The following DNAH7 variants were observed in gnomAD, a reference collection of about 807,000 sequenced individuals.
DNAH7 encodes axonemal beta dynein heavy chain 7.
In DNAH7, 397 loss-of-function variants were observed where a neutral mutation model predicts 444.6. The ratio of observed to expected loss-of-function variants is 0.89; its 90% confidence interval spans 0.82 to 0.97. The LOEUF (loss-of-function observed/expected upper bound fraction) is 0.97, where lower values mean the gene tolerates loss of function less well. Among genes scored for constraint, DNAH7 ranks in the 50% least tolerant of loss-of-function variants. The pLI, the probability that DNAH7 is intolerant of heterozygous loss-of-function variation, is 0.00. For synonymous variants in DNAH7, 1,636 were observed against 1,624.4 expected (o/e 1.01, Z -0.17); for missense variants, 4,902 against 4,800.8 (o/e 1.02, Z -0.62).
In DNAH7 at chr2:195,752,140, C is replaced by T. The variant is rs1163921428; in HGVS notation, c.11764+2197G>A. ...TGAAAAAATTAGCTGGGCAAGGTGG[C>T]GCACGCCTCTGGTCTCAGCTACTCA... On this transcript the variant is annotated intron_variant, in intron 63 of 64. Coordinates refer to ENST00000312428, the MANE Select transcript of DNAH7 (RefSeq NM_018897.3). Among the ~76,000 whole-genome samples the T allele has an allele frequency of 5.3e-5, 8 of 152,146 alleles. No homozygotes were observed. In the East Asian group the frequency reaches 1.4e-3, roughly 26 times the overall value.
intron 15 of DNAH7, among the ~76,000 whole-genome samples, chr2:195,976,768 A>G (rs952154894): frequency 4.2e-4 from 63 of 150,992 alleles, no homozygotes; most frequent in African/African-American, 1.5e-3. Context: ...AGAGAGAGAG[A>G]GAGAGAGAGA....
chr2:195,936,313 G>T (rs1033766536), intron 20 of DNAH7, among the ~76,000 whole-genome samples: 1 of 152,150 alleles, frequency 6.6e-6, no homozygotes, highest in African/African-American at 2.4e-5. Context: ...GGCGGAGGTT[G>T]CAGTGAGCCA....
chr2:195,861,223 A>T (rs906505301), intron 42 of DNAH7, among the ~76,000 whole-genome samples: 2 of 152,144 alleles, frequency 1.3e-5, no homozygotes, highest in Admixed American at 1.3e-4. Flanking sequence ...GAAATATTTG[A>T]ATAAACTTCT....
intron 47 of DNAH7, among the ~76,000 whole-genome samples, chr2:195,842,889 A>T (rs1698771127): frequency 6.6e-6 from 1 of 152,178 alleles, no homozygotes; most frequent in African/African-American, 2.4e-5. Flanking sequence ...TGGTGGATAC[A>T]GTGGTTATAG....
At chr2:195,897,613 G>T in intron 29 of DNAH7, 54 bp downstream of exon 29, 4 of 1,042,404 alleles carry the variant, frequency 3.8e-6, no homozygotes, top group Non-Finnish European at 5.8e-6. Context: ...TTAGACATGT[G>T]ATAAATACAT....
chr2:195,962,344 T>C (rs372668107), intron 17 of DNAH7, among the ~76,000 whole-genome samples: 1 of 152,208 alleles, frequency 6.6e-6, no homozygotes, highest in Non-Finnish European at 1.5e-5. Flanking sequence ...AATCCAATTA[T>C]ACACTTTTGG....
At chr2:195,779,819 T>C (rs1574420597) in intron 58 of DNAH7, among the ~76,000 whole-genome samples, 2 of 152,260 alleles carry the variant, frequency 1.3e-5, no homozygotes, top group Admixed American at 1.3e-4. Context: ...TTGCCCAGGC[T>C]GGCCTCGAAC....
intron 5 of DNAH7, among the ~76,000 whole-genome samples, chr2:196,035,280 CA>C (rs1277452273): frequency 1.3e-5 from 2 of 152,068 alleles, no homozygotes; most frequent in Non-Finnish European, 2.9e-5. Context: ...GTATGAACAA[CA>C]AAAGGAAAAT....
At chr2:195,883,717 G>A (rs1379836802) in intron 35 of DNAH7, among the ~76,000 whole-genome samples, 1 of 152,062 alleles carries the variant, frequency 6.6e-6, no homozygotes, top group African/African-American at 2.4e-5. Context: ...TATCTGTGTT[G>A]GGCACAGTCG....
chr2:195,984,687 AT>A lies in DNAH7; in HGVS notation c.1777del (p.Ile593Ter). 6.2e-7 allele frequency: 1 copy of A among 1,613,942 alleles called. No homozygotes were observed. Among genetic ancestry groups the A allele is most frequent in the Non-Finnish European group, 8.5e-7 (1 of 1,179,938 alleles). ...NTRLCDEFER[I>X]AEKALSTPPN... Reference sequence around the variant, plus strand: ...AGGAGTGCTAAGAGCTTTTTCAGCTATCCTCTCAAATTCATCGCATAATCTG... The same window carrying A: ...AGGAGTGCTAAGAGCTTTTTCAGCTACCTCTCAAATTCATCGCATAATCTG... On this transcript the variant is annotated frameshift_variant, in exon 15 of 65. Coordinates refer to ENST00000312428, the MANE Select transcript of DNAH7 (RefSeq NM_018897.3). LOFTEE classifies it high-confidence loss of function.
chr2:195,754,101 G>C (rs1242827287), intron 63 of DNAH7, among the ~76,000 whole-genome samples: 1 of 152,108 alleles, frequency 6.6e-6, no homozygotes, highest in Non-Finnish European at 1.5e-5. Flanking sequence ...TTCATCTACT[G>C]TTATCATTTT....
At chr2:195,812,567 C>T (rs527609375) in intron 51 of DNAH7, among the ~76,000 whole-genome samples, 2 of 134,500 alleles carry the variant, frequency 1.5e-5, no homozygotes, top group South Asian at 4.2e-4. Context: ...TTATAAATAA[C>T]AGATGATCCA....
chr2:195,972,606 A>G, intron 15 of DNAH7, 140 bp from the exon 16 acceptor site: 1 of 601,614 alleles, frequency 1.7e-6, no homozygotes, highest in Non-Finnish European at 2.9e-6. Flanking sequence ...ACTACAGCAT[A>G]GTTTCCTTCT....
intron 40 of DNAH7, among the ~76,000 whole-genome samples, chr2:195,870,842 G>A (rs1475614969): frequency 6.6e-6 from 1 of 152,132 alleles, no homozygotes; most frequent in African/African-American, 2.4e-5. Context: ...TCAGTTTGTT[G>A]ACAAGCCACC....
intron 3 of DNAH7, among the ~76,000 whole-genome samples, chr2:196,049,594 T>C (rs1697341688): frequency 6.6e-6 from 1 of 152,212 alleles, no homozygotes; most frequent in Non-Finnish European, 1.5e-5. Context: ...AAAAGTAGTT[T>C]TAAAAAAATA....
intron 27 of DNAH7, chr2:195,902,639 C>T (rs1374589247): frequency 1.3e-5 from 2 of 152,140 alleles, no homozygotes; most frequent in African/African-American, 2.4e-5. Context: ...CTATTCACCT[C>T]TTAGCACTGT....
chr2:196,005,638 A>T (rs553543045), intron 10 of DNAH7, among the ~76,000 whole-genome samples: 1 of 152,252 alleles, frequency 6.6e-6, no homozygotes, highest in African/African-American at 2.4e-5. Context: ...CTATGAAGAC[A>T]AAAACTACCA....
chr2:195,863,932 C>A (rs1338670874), intron 41 of DNAH7, among the ~76,000 whole-genome samples: 1 of 152,126 alleles, frequency 6.6e-6, no homozygotes, highest in Non-Finnish European at 1.5e-5. Flanking sequence ...CATAACACTT[C>A]CTATAATATA....
chr2:195,758,129 G>A (rs1260699357), intron 61 of DNAH7, among the ~76,000 whole-genome samples: 1 of 152,204 alleles, frequency 6.6e-6, no homozygotes, highest in Non-Finnish European at 1.5e-5. Context: ...AGGTCAAGAA[G>A]AAATACATAA....
Sources: gnomAD v4.1 joint callset for allele counts (sites outside exome capture counted in the v4.1 genomes callset) on GRCh38, gnomAD v4.1.1 for gene constraint, MANE v1.5 for transcripts, NCBI Gene and HGNC (gene_info 2026-07-23, HGNC 2026-07-21) for gene names.